FOCAD: variants seen among roughly 807,000 people sequenced by gnomAD.
The protein encoded by FOCAD is focadhesin.
In FOCAD, 198 loss-of-function variants were observed where a neutral mutation model predicts 225.6. The ratio of observed to expected loss-of-function variants is 0.88; its 90% CI spans 0.78 to 0.99. The LOEUF (loss-of-function observed/expected upper bound fraction) is 0.99, where lower values mean the gene tolerates loss of function less well. Among genes scored for constraint, FOCAD ranks in the 50% least tolerant of loss-of-function variants. FOCAD has a pLI of 0.00. For synonymous variants in FOCAD, 897 were observed against 755.0 expected (o/e 1.19, Z -3.08); for missense variants, 2,713 against 2,123.6 (o/e 1.28, Z -5.46).
chr9:20,897,008 A>G (rs1359104584), intron 21 of FOCAD: 4 of 151,862 alleles, frequency 2.6e-5, no homozygotes, highest in Non-Finnish European at 2.9e-5. Flanking sequence ...GTCTCTGGCT[A>G]TACGAGTGGA....
intron 4 of FOCAD, among the ~76,000 whole-genome samples, chr9:20,730,302 CT>C (rs1288066712): frequency 6.6e-6 from 1 of 151,970 alleles, no homozygotes; most frequent in Non-Finnish European, 1.5e-5. Flanking sequence ...CACTTATTAC[CT>C]GAAATACTTC....
At chr9:20,843,627 C>T (rs1826776636) in intron 15 of FOCAD, among the ~76,000 whole-genome samples, 1 of 152,016 alleles carries the variant, frequency 6.6e-6, no homozygotes, top group African/African-American at 2.4e-5. Context: ...CCTTTGTGTA[C>T]TTGAATATTG....
chr9:20,980,337 C>T (rs994816879), intron 37 of FOCAD, among the ~76,000 whole-genome samples: 5 of 152,096 alleles, frequency 3.3e-5, no homozygotes, highest in African/African-American at 1.2e-4. Context: ...GTTCAAAGCC[C>T]TGTTCTATTC....
At chr9:20,722,124 C>T (rs1485400907) in intron 4 of FOCAD, among the ~76,000 whole-genome samples, 1 of 149,766 alleles carries the variant, frequency 6.7e-6, no homozygotes, top group Middle Eastern at 3.2e-3. Flanking sequence ...CTCACTCAAG[C>T]CTCAAACTAC....
intron 11 of FOCAD, among the ~76,000 whole-genome samples, chr9:20,800,636 G>C (rs766349994): frequency 2.6e-5 from 4 of 151,932 alleles, no homozygotes; most frequent in Non-Finnish European, 2.9e-5. Context: ...CCAGTTGATC[G>C]AATCGGCTAC....
Position 20,939,845 on chromosome 9 carries a change from T to C in FOCAD, c.3408-4782T>C, listed in dbSNP as rs1465875452. Among the ~76,000 whole-genome samples the C allele has an allele frequency of 2.6e-5, 4 of 151,940 alleles. No homozygotes were observed. In the East Asian group the frequency reaches 5.8e-4, roughly 22 times the overall value. ...GTATACATGTGCCATGTTGGTGTGCTGCACCCATTAACTCGTCATTTACAT... is the reference window on the plus strand; with the variant it reads ...GTATACATGTGCCATGTTGGTGTGCCGCACCCATTAACTCGTCATTTACAT... On this transcript the variant is annotated intron_variant, in intron 28 of 43. Transcript: ENST00000338382.
At chr9:20,797,691 G>C (rs1730782471) in intron 11 of FOCAD, among the ~76,000 whole-genome samples, 1 of 152,102 alleles carries the variant, frequency 6.6e-6, no homozygotes, top group South Asian at 2.1e-4. Flanking sequence ...AAAATGCATT[G>C]ATTTTGTACC....
At chr9:20,857,756 C>G (rs2131663425) in intron 15 of FOCAD, among the ~76,000 whole-genome samples, 1 of 128,190 alleles carries the variant, frequency 7.8e-6, no homozygotes, top group Admixed American at 7.6e-5. Flanking sequence ...AAGGTATGTT[C>G]TTTCTATACC....
chr9:20,839,247 ATTTC>A (rs1024465306), intron 15 of FOCAD, among the ~76,000 whole-genome samples: 8 of 142,894 alleles, frequency 5.6e-5, no homozygotes, highest in African/African-American at 2.1e-4. Flanking sequence ...GCTTTATGGA[ATTTC>A]TTTCTTTCTT....
chr9:20,991,949 T>C (rs1333995464), intron 42 of FOCAD, among the ~76,000 whole-genome samples: 1 of 152,234 alleles, frequency 6.6e-6, no homozygotes, highest in Non-Finnish European at 1.5e-5. Flanking sequence ...ACTTTTTTGC[T>C]TATCGGTTGG....
intron 3 of FOCAD, among the ~76,000 whole-genome samples, chr9:20,719,018 T>A (rs1279495451): frequency 6.6e-6 from 1 of 152,214 alleles, no homozygotes; most frequent in Non-Finnish European, 1.5e-5. Context: ...AATAGTGGGA[T>A]GCTAAGATAG....
intron 5 of FOCAD, among the ~76,000 whole-genome samples, chr9:20,746,421 G>T (rs1828042607): frequency 6.6e-6 from 1 of 152,038 alleles, no homozygotes. Context: ...GGCAAAGACC[G>T]GGTTTTACTT....
At chr9:20,715,948 T>C (rs548391449) in intron 2 of FOCAD, among the ~76,000 whole-genome samples, 1 of 152,236 alleles carries the variant, frequency 6.6e-6, no homozygotes, top group Non-Finnish European at 1.5e-5. Flanking sequence ...TTTAGCTAAC[T>C]AGAAACATTC....
At chr9:20,818,466 A>G (rs1823969305) in intron 11 of FOCAD, among the ~76,000 whole-genome samples, 1 of 151,952 alleles carries the variant, frequency 6.6e-6, no homozygotes, top group Non-Finnish European at 1.5e-5. Context: ...ACTTAATCCT[A>G]TATTTTCTTT....
chr9:20,920,562 C>G (rs1834316713), intron 24 of FOCAD, among the ~76,000 whole-genome samples: 2 of 64,156 alleles, frequency 3.1e-5, no homozygotes, highest in African/African-American at 6.3e-5. Context: ...TGGAACCAAC[C>G]CAAATGTCCA....
chr9:20,738,463 C>G (rs1827331100), intron 4 of FOCAD, among the ~76,000 whole-genome samples: 1 of 152,204 alleles, frequency 6.6e-6, no homozygotes, highest in Non-Finnish European at 1.5e-5. Flanking sequence ...TTGGAGAACA[C>G]ACACAGGAGA....
chr9:20,937,518 C>A (rs557003302), intron 28 of FOCAD, among the ~76,000 whole-genome samples: 1,625 of 151,506 alleles, frequency 0.011, 30 homozygotes, highest in African/African-American at 0.037. Context: ...GGAAAACTGG[C>A]TAGCCATATG....
intron 1 of FOCAD, among the ~76,000 whole-genome samples, chr9:20,711,997 T>C (rs16938134): frequency 0.034 from 5,173 of 152,314 alleles, 326 homozygotes; most frequent in African/African-American, 0.12. Context: ...GGTATTTCCA[T>C]TGTTGCATGG....
intron 10 of FOCAD, among the ~76,000 whole-genome samples, chr9:20,786,310 G>C (rs1238764263): frequency 6.6e-6 from 1 of 152,118 alleles, no homozygotes; most frequent in Non-Finnish European, 1.5e-5. Context: ...ACTTAAAAAG[G>C]AATTAGTAAG....
Sources: gnomAD v4.1 joint callset for allele counts (sites outside exome capture counted in the v4.1 genomes callset) on GRCh38, gnomAD v4.1.1 for gene constraint, MANE v1.5 for transcripts, NCBI Gene and HGNC (gene_info 2026-07-23, HGNC 2026-07-21) for gene names.